Variants in PLA2G4A observed in about 807,000 individuals in gnomAD.
PLA2G4A encodes the protein phospholipase A2 group IVA.
In PLA2G4A, 40 loss-of-function variants were observed where a neutral mutation model predicts 81.9. The ratio of observed to expected loss-of-function variants is 0.49; its 90% CI spans 0.38 to 0.64. The LOEUF is 0.64. PLA2G4A is among the 30% of genes least tolerant of loss of function. The pLI is 0.00. For synonymous variants in PLA2G4A, 302 were observed against 296.9 expected, an observed-to-expected ratio of 1.02 and a Z score of -0.18; for missense variants, 715 against 905.1, an observed-to-expected ratio of 0.79 and a Z score of 2.69.
intron 2 of PLA2G4A, among the ~76,000 whole-genome samples, chr1:186,855,744 A>G (rs1442258786): frequency 6.6e-6 from 1 of 152,062 alleles, no homozygotes; most frequent in Non-Finnish European, 1.5e-5. Context: ...CAAGCTATTT[A>G]TTTAATCTAC....
intron 16 of PLA2G4A, among the ~76,000 whole-genome samples, chr1:186,978,111 A>G (rs1429207343): frequency 2.0e-5 from 3 of 152,204 alleles, no homozygotes; most frequent in Non-Finnish European, 4.4e-5. Context: ...CCTTGTAAGA[A>G]AGCCCTTATT....
intron 14 of PLA2G4A, among the ~76,000 whole-genome samples, chr1:186,961,923 C>T (rs1157105347): frequency 1.3e-5 from 2 of 152,116 alleles, no homozygotes; most frequent in Non-Finnish European, 2.9e-5. Flanking sequence ...AATAAAAATT[C>T]CAGAAATAAA....
chr1:186,905,801 A>G (rs569739329), intron 5 of PLA2G4A, among the ~76,000 whole-genome samples: 1 of 152,220 alleles, frequency 6.6e-6, no homozygotes, highest in East Asian at 1.9e-4. Context: ...AGGAACCTAT[A>G]TAAGACAGAG....
At chr1:186,854,238 A>G (rs889153511) in intron 1 of PLA2G4A, 48 bp from the exon 2 acceptor site, 4 of 718,824 alleles carry the variant, frequency 5.6e-6, no homozygotes, top group African/African-American at 1.8e-5. Context: ...TAAATCTTAG[A>G]ACTGCATCCA....
At chr1:186,834,893 G>C (rs945100396) in intron 1 of PLA2G4A, among the ~76,000 whole-genome samples, 2 of 151,974 alleles carry the variant, frequency 1.3e-5, no homozygotes, top group Non-Finnish European at 2.9e-5. Context: ...TATCAAAATG[G>C]TTACTCTGAC....
At position 186,956,129 on chromosome 1, in the gene PLA2G4A, A is replaced by T. The variant is rs541323914; in HGVS notation, c.1364A>T (p.Asp455Val). ...KGTENEDAGS[D>V]YQSDNQASWI... ...ACTGAAAATGAAGATGCTGGAAGTGACTATCAAAGTGATAATCAAGCAAGT... is the reference window on the plus strand; with the variant it reads ...ACTGAAAATGAAGATGCTGGAAGTGTCTATCAAAGTGATAATCAAGCAAGT... Residue 455 changes from aspartate (D) to valine (V), a missense_variant, in exon 14 of 18, where the codon GAC becomes GTC. By Grantham distance (152) the Asp-to-Val change is radical (BLOSUM62 -3). Coordinates refer to ENST00000367466, the MANE Select transcript of PLA2G4A (RefSeq NM_024420.3). 5.9e-5 allele frequency: 95 copies of T among 1,613,202 alleles called. 1 individual carries two copies. In the South Asian group the frequency reaches 9.6e-4, roughly 16 times the overall value.
intron 5 of PLA2G4A, among the ~76,000 whole-genome samples, chr1:186,897,361 GT>G (rs1654369214): frequency 6.6e-6 from 1 of 151,982 alleles, no homozygotes; most frequent in African/African-American, 2.4e-5. Flanking sequence ...TCTCCAGAAT[GT>G]TTGAATTGTT....
At chr1:186,952,820 C>A (rs1571436802) in intron 13 of PLA2G4A, among the ~76,000 whole-genome samples, 1 of 151,722 alleles carries the variant, frequency 6.6e-6, no homozygotes, top group Non-Finnish European at 1.5e-5. Context: ...GTAGCCTTTT[C>A]AGATCTTTCA....
rs143097664 is a variant in PLA2G4A, at chr1:186,844,750, A to T, written c.-69-9536A>T. On this transcript the variant is annotated intron_variant, in intron 1 of 17. Transcript: ENST00000367466. Reference sequence around the variant, plus strand: ...ATGTATACATATTTAACAAATCTGCACGTTGTGCACATGTACCCTAAAACT... The same window carrying T: ...ATGTATACATATTTAACAAATCTGCTCGTTGTGCACATGTACCCTAAAACT... 2.7e-4 allele frequency among the ~76,000 whole-genome samples: 41 copies of T among 152,346 alleles called. No homozygotes were observed. The East Asian group carries it at 7.1e-3, about 27-fold the overall frequency.
rs10609057 is a variant in PLA2G4A, at chr1:186,966,118, TAAAA to T, written c.1764+543_1764+546del. 1.4e-3 allele frequency among the ~76,000 whole-genome samples: 169 copies of T among 119,480 alleles called. 1 individual carries two copies. Among genetic ancestry groups the T allele is most frequent in the East Asian group, 8.4e-3 (33 of 3,940 alleles). 78.4% of individuals were successfully genotyped at this position (119,480 alleles called of 152,430 possible). A position where few individuals can be genotyped will look rare whatever the true frequency, so the allele number is the denominator to read the frequency against. On this transcript the variant is annotated intron_variant, in intron 15 of 17. Transcript: ENST00000367466. ...AGTGGTTTGAGGGATGAGTGGAAGT[TAAAA>T]AAAAAAAAAAAAAAAAAGACATCAT...
chr1:186,954,962 A>G (rs1656695870), intron 13 of PLA2G4A, among the ~76,000 whole-genome samples: 1 of 152,212 alleles, frequency 6.6e-6, no homozygotes, highest in African/African-American at 2.4e-5. Context: ...TAGATGCACA[A>G]ACACAGTTAA....
chr1:186,844,287 A>C (rs1243821008), intron 1 of PLA2G4A, among the ~76,000 whole-genome samples: 1 of 152,236 alleles, frequency 6.6e-6, no homozygotes, highest in Non-Finnish European at 1.5e-5. Flanking sequence ...GCCGGTTGGC[A>C]ATATCAAACT....
intron 2 of PLA2G4A, among the ~76,000 whole-genome samples, chr1:186,869,440 A>T (rs1172179742): frequency 6.6e-6 from 1 of 152,188 alleles, no homozygotes; most frequent in African/African-American, 2.4e-5. Flanking sequence ...CTATAAATTG[A>T]AATATTAATT....
intron 7 of PLA2G4A, among the ~76,000 whole-genome samples, chr1:186,928,069 G>A (rs1014312889): frequency 1.3e-5 from 2 of 152,126 alleles, no homozygotes; most frequent in African/African-American, 4.8e-5. Flanking sequence ...GAATCAAGAG[G>A]TGGAGCTGAA....
chr1:186,886,651 A>C (rs935311425), intron 3 of PLA2G4A, among the ~76,000 whole-genome samples: 5 of 152,208 alleles, frequency 3.3e-5, no homozygotes, highest in Non-Finnish European at 7.3e-5. Flanking sequence ...TTTGAAGAGC[A>C]GTCCATCACC....
At chr1:186,922,703 C>A (rs1655395576) in intron 7 of PLA2G4A, among the ~76,000 whole-genome samples, 2 of 152,184 alleles carry the variant, frequency 1.3e-5, no homozygotes, top group African/African-American at 4.8e-5. Context: ...AGACAAAACC[C>A]CTCAGACACC....
At chr1:186,916,006 G>A (rs944205175) in intron 7 of PLA2G4A, among the ~76,000 whole-genome samples, 11 of 152,070 alleles carry the variant, frequency 7.2e-5, no homozygotes, top group African/African-American at 2.2e-4. Context: ...TTGATATCCT[G>A]TTACGGTTCC....
At chr1:186,841,680 C>T (rs903635061) in intron 1 of PLA2G4A, among the ~76,000 whole-genome samples, 8 of 152,068 alleles carry the variant, frequency 5.3e-5, no homozygotes, top group African/African-American at 1.7e-4. Flanking sequence ...TTGTTTTTGA[C>T]CACCAAGAGG....
chr1:186,862,225 T>TTTTTTTTTTTTTC (rs1461828372), intron 2 of PLA2G4A, among the ~76,000 whole-genome samples: 1 of 145,484 alleles, frequency 6.9e-6, no homozygotes, highest in East Asian at 2.0e-4. Flanking sequence ...GTTATGAACT[T>TTTTTTTTTTTTTC]TTTTTTTGAG....
Sources: allele counts gnomAD v4.1 joint callset (sites outside exome capture counted in the v4.1 genomes callset), GRCh38; gene constraint gnomAD v4.1.1; transcripts MANE v1.5; gene names NCBI Gene and HGNC (gene_info 2026-07-23, HGNC 2026-07-21).